The following KLHL1 variants were observed in gnomAD, a reference collection of about 807,000 sequenced individuals.
KLHL1 encodes the protein kelch like family member 1, also known as kelch-like protein 1.
Under a neutral mutation model 77.7 loss-of-function variants are expected in KLHL1, and 47 were observed. The ratio of observed to expected loss-of-function variants is 0.60; its 90% CI spans 0.48 to 0.77. The LOEUF is 0.77. Ranked by LOEUF, KLHL1 falls within the 30% of genes least tolerant of loss-of-function variation. The pLI, the probability that KLHL1 is intolerant of heterozygous loss-of-function variation, is 0.00. For missense variants in KLHL1, 925 were observed against 910.8 expected, an observed-to-expected ratio of 1.02 and a Z score of -0.20; for synonymous variants, 360 against 325.2, an observed-to-expected ratio of 1.11 and a Z score of -1.15.
At chr13:70,083,608 C>A (rs1887446347) in intron 1 of KLHL1, among the ~76,000 whole-genome samples, 1 of 152,006 alleles carries the variant, frequency 6.6e-6, no homozygotes, top group South Asian at 2.1e-4. Flanking sequence ...AGGGTATATG[C>A]TGTCTAAATT....
At chr13:69,736,645 C>A (rs556281251) in intron 8 of KLHL1, among the ~76,000 whole-genome samples, 21 of 151,196 alleles carry the variant, frequency 1.4e-4, no homozygotes, top group African/African-American at 5.1e-4. Context: ...AGCCCAAATG[C>A]CTATCAATTA....
chr13:69,762,026 A>G (rs1173642740), intron 7 of KLHL1, among the ~76,000 whole-genome samples: 1 of 152,166 alleles, frequency 6.6e-6, no homozygotes, highest in Non-Finnish European at 1.5e-5. Context: ...TCATTCAATT[A>G]CCATTTCTCA....
At chr13:69,782,740 CACAG>C (rs1486468565) in intron 7 of KLHL1, among the ~76,000 whole-genome samples, 1 of 152,200 alleles carries the variant, frequency 6.6e-6, no homozygotes, top group Non-Finnish European at 1.5e-5. Context: ...GGGGGCAGGG[CACAG>C]ACAAACAAAA....
intron 6 of KLHL1, among the ~76,000 whole-genome samples, chr13:69,835,928 G>A (rs1023718968): frequency 2.0e-5 from 3 of 151,866 alleles, no homozygotes; most frequent in Admixed American, 2.0e-4. Flanking sequence ...AAATACACAG[G>A]GGCTTCTTTT....
At chr13:70,009,686 A>AT (rs1299336964) in intron 1 of KLHL1, among the ~76,000 whole-genome samples, 2 of 152,130 alleles carry the variant, frequency 1.3e-5, no homozygotes, top group African/African-American at 2.4e-5. Context: ...GTGAGCTTCA[A>AT]TTTTTTCATC....
At chr13:69,901,787 CTTTTTTTCTTTTTT>C (rs1453919843) in intron 4 of KLHL1, among the ~76,000 whole-genome samples, 6 of 80,146 alleles carry the variant, frequency 7.5e-5, no homozygotes, top group African/African-American at 2.4e-4. Flanking sequence ...CTTTCTTTTT[CTTTTTTTCTTTTTT>C]TTTTTTTTTT....
rs148031436 is a variant in KLHL1, at chr13:70,022,088, T to C, written c.498-46286A>G. On this transcript the variant is annotated intron_variant, in intron 1 of 10. Coordinates refer to ENST00000377844, the MANE Select transcript of KLHL1 (RefSeq NM_020866.3). Reference sequence around the variant, plus strand: ...GTCACTTTGATTTTCTCCTTTTTTCTTCTAGGAGATTTCAAGTTTTGCCTT... The same window carrying C: ...GTCACTTTGATTTTCTCCTTTTTTCCTCTAGGAGATTTCAAGTTTTGCCTT... Among the ~76,000 whole-genome samples, 367 of 152,142 alleles carry C rather than the reference T, an allele frequency of 2.4e-3. 1 individual carries two copies. Among genetic ancestry groups the C allele is most frequent in the African/African-American group, 8.2e-3 (342 of 41,548 alleles).
chr13:69,926,946 CA>C (rs71116960), intron 4 of KLHL1, among the ~76,000 whole-genome samples: 29 of 36,030 alleles, frequency 8.0e-4, no homozygotes, highest in South Asian at 6.7e-3. Context: ...GACTCCATCT[CA>C]AAAAAAAAAA....
chr13:69,732,083 T>C (rs1021825242), intron 8 of KLHL1, among the ~76,000 whole-genome samples: 1 of 152,080 alleles, frequency 6.6e-6, no homozygotes, highest in Non-Finnish European at 1.5e-5. Context: ...CAAATAAAGA[T>C]ATCGTGTAAG....
intron 5 of KLHL1, among the ~76,000 whole-genome samples, chr13:69,856,184 T>A (rs1466288025): frequency 1.3e-5 from 2 of 151,816 alleles, no homozygotes; most frequent in African/African-American, 2.4e-5. Flanking sequence ...GATTTGTTTA[T>A]TGTTCAGTTG....
At chr13:70,050,086 T>C (rs1184511912) in intron 1 of KLHL1, among the ~76,000 whole-genome samples, 2 of 151,946 alleles carry the variant, frequency 1.3e-5, no homozygotes, top group African/African-American at 2.4e-5. Context: ...TACCTTTCAT[T>C]GATTATTTAA....
chr13:69,774,139 A>C (rs574940133), intron 7 of KLHL1, among the ~76,000 whole-genome samples: 428 of 152,028 alleles, frequency 2.8e-3, no homozygotes, highest in Non-Finnish European at 4.5e-3. Context: ...CTCTTTTTAA[A>C]CATATTTAAA....
chr13:69,986,642 T>G (rs1884879107), intron 1 of KLHL1, among the ~76,000 whole-genome samples: 1 of 151,988 alleles, frequency 6.6e-6, no homozygotes, highest in Non-Finnish European at 1.5e-5. Flanking sequence ...ATTATGAAAA[T>G]AAGATACGCT....
chr13:69,815,221 A>G (rs892287603), intron 6 of KLHL1, among the ~76,000 whole-genome samples: 2 of 152,206 alleles, frequency 1.3e-5, no homozygotes, highest in Non-Finnish European at 2.9e-5. Context: ...CCAAAGGAAA[A>G]GAAATCATTC....
At chr13:70,093,420 T>C (rs1887715838) in intron 1 of KLHL1, among the ~76,000 whole-genome samples, 1 of 152,090 alleles carries the variant, frequency 6.6e-6, no homozygotes, top group African/African-American at 2.4e-5. Flanking sequence ...AGAAAATAAA[T>C]AGTAGTAATA....
chr13:69,885,817 G>A (rs1010613038), intron 4 of KLHL1, among the ~76,000 whole-genome samples: 8 of 152,264 alleles, frequency 5.3e-5, no homozygotes, highest in Non-Finnish European at 1.0e-4. Context: ...TGGGAGACAC[G>A]TAGAAAAAGT....
intron 7 of KLHL1, among the ~76,000 whole-genome samples, chr13:69,781,162 T>G (rs1876172472): frequency 6.6e-6 from 1 of 152,042 alleles, no homozygotes; most frequent in Non-Finnish European, 1.5e-5. Flanking sequence ...TGACTATGTC[T>G]CCCATAATGT....
chr13:70,012,966 A>G (rs1271544865), intron 1 of KLHL1, among the ~76,000 whole-genome samples: 2 of 151,990 alleles, frequency 1.3e-5, no homozygotes, highest in Non-Finnish European at 2.9e-5. Context: ...TTTGAACCTA[A>G]GCCTATTTAT....
intron 7 of KLHL1, among the ~76,000 whole-genome samples, chr13:69,743,523 G>T (rs972269925): frequency 1.3e-5 from 2 of 152,126 alleles, no homozygotes; most frequent in African/African-American, 4.8e-5. Context: ...GGTGGCTCAC[G>T]CCAGTAATCC....
Sources: allele counts gnomAD v4.1 joint callset (sites outside exome capture counted in the v4.1 genomes callset), GRCh38; gene constraint gnomAD v4.1.1; transcripts MANE v1.5; gene names NCBI Gene and HGNC (gene_info 2026-07-23, HGNC 2026-07-21).